The following GABRB3 variants were observed in gnomAD, a reference collection of about 807,000 sequenced individuals.
GABRB3 encodes gamma-aminobutyric acid receptor subunit beta-3.
GABRB3 carries 14 observed loss-of-function variants against 52.1 expected under a neutral mutation model. That is an observed-to-expected ratio of 0.27 (90% CI 0.18 to 0.42). GABRB3 has a LOEUF of 0.42. GABRB3 is among the 10% of genes least tolerant of loss of function. The pLI is 1.00. For synonymous variants in GABRB3, 260 were observed against 232.3 expected (o/e 1.12, Z -1.08); for missense variants, 307 against 609.1 (o/e 0.50, Z 5.22).
chr15:26,757,215 T>C (rs1052117304), intron 3 of GABRB3, among the ~76,000 whole-genome samples: 1 of 152,184 alleles, frequency 6.6e-6, no homozygotes, highest in Non-Finnish European at 1.5e-5. Context: ...GGTCTTTCCA[T>C]GCCTTCTAGT....
At chr15:26,682,139 C>T (rs1357280913) in intron 3 of GABRB3, among the ~76,000 whole-genome samples, 2 of 151,836 alleles carry the variant, frequency 1.3e-5, no homozygotes, top group Non-Finnish European at 1.5e-5. Flanking sequence ...AATGTCTGAC[C>T]GTCAGTTTCT....
chr15:26,679,395 G>C lies in GABRB3; in HGVS notation c.241-57861C>G, dbSNP rs1240192862. 1.3e-5 allele frequency among the ~76,000 whole-genome samples: 2 copies of C among 152,062 alleles called. 1 individual carries two copies. Among genetic ancestry groups the C allele is most frequent in the Non-Finnish European group, 2.9e-5 (2 of 68,028 alleles). On this transcript the variant is annotated intron_variant, in intron 3 of 8. Transcript: ENST00000311550. ...GTGAGAATCGCACTCACCTGCTCTT[G>C]AGAAGTCGCACATACGTACTAGCAT...
At chr15:26,705,169 T>G (rs1889059223) in intron 3 of GABRB3, among the ~76,000 whole-genome samples, 1 of 152,178 alleles carries the variant, frequency 6.6e-6, no homozygotes, top group Non-Finnish European at 1.5e-5. Flanking sequence ...AGCTGGAAAA[T>G]GCAAGATCAA....
chr15:26,773,600 G>C, upstream of GABRB3: 1 of 1,486,532 alleles, frequency 6.7e-7, no homozygotes, highest in South Asian at 1.2e-5. Context: ...GCGGGCCGCC[G>C]CCTCCCGACG....
chr15:26,563,536 G>C (rs1253355930), intron 7 of GABRB3, among the ~76,000 whole-genome samples: 2 of 152,226 alleles, frequency 1.3e-5, no homozygotes, highest in Admixed American at 6.5e-5. Context: ...CCAAAGCCCA[G>C]CTCTGCCTCT....
intron 3 of GABRB3, among the ~76,000 whole-genome samples, chr15:26,739,855 GA>G (rs750948783): frequency 6.6e-6 from 1 of 152,120 alleles, no homozygotes; most frequent in Non-Finnish European, 1.5e-5. Context: ...TTATAAAACA[GA>G]AAACAGGATA....
intron 5 of GABRB3, 185 bp from the exon 6 acceptor site, chr15:26,580,641 A>T (rs955244845): frequency 1.4e-5 from 11 of 783,438 alleles, no homozygotes; most frequent in Middle Eastern, 2.6e-4. Flanking sequence ...TACTGCTGCC[A>T]TTTTATTTGT....
At chr15:26,581,006 G>A (rs1303448393) in intron 5 of GABRB3, 1 of 264,312 alleles carries the variant, frequency 3.8e-6, no homozygotes, top group Non-Finnish European at 7.3e-6. Flanking sequence ...GCCAACCTTA[G>A]AAATGCCTGT....
intron 3 of GABRB3, among the ~76,000 whole-genome samples, chr15:26,691,453 C>T (rs2053394155): frequency 6.6e-6 from 1 of 152,172 alleles, no homozygotes; most frequent in African/African-American, 2.4e-5. Flanking sequence ...AGCATCCCTT[C>T]CATTCATTAC....
At chr15:26,719,705 G>A (rs1367119528) in intron 3 of GABRB3, among the ~76,000 whole-genome samples, 2 of 152,134 alleles carry the variant, frequency 1.3e-5, no homozygotes, top group African/African-American at 4.8e-5. Context: ...CATCAGTTTG[G>A]ACACAGCTAT....
chr15:26,688,015 C>T (rs1888461429), intron 3 of GABRB3, among the ~76,000 whole-genome samples: 1 of 152,182 alleles, frequency 6.6e-6, no homozygotes, highest in South Asian at 2.1e-4. Context: ...GACTTTATGA[C>T]ATATGACCTT....
At chr15:26,594,355 A>C (rs1314231291) in intron 4 of GABRB3, among the ~76,000 whole-genome samples, 2 of 151,792 alleles carry the variant, frequency 1.3e-5, no homozygotes, top group Non-Finnish European at 2.9e-5. Context: ...TTTGCCCAGG[A>C]TTTGCTGCTT....
intron 4 of GABRB3, chr15:26,614,677 T>C (rs1892192676): frequency 6.6e-6 from 1 of 152,186 alleles, no homozygotes; most frequent in South Asian, 2.1e-4. Context: ...AGGAGAAAAG[T>C]ATTTTAACAG....
chr15:26,600,222 T>C (rs1015470846), intron 4 of GABRB3, among the ~76,000 whole-genome samples: 1 of 151,868 alleles, frequency 6.6e-6, no homozygotes, highest in African/African-American at 2.4e-5. Context: ...TTAAAAAGAA[T>C]GAAGAAAGCT....
At chr15:26,687,418 G>A (rs1240635741) in intron 3 of GABRB3, among the ~76,000 whole-genome samples, 2 of 152,060 alleles carry the variant, frequency 1.3e-5, no homozygotes, top group African/African-American at 2.4e-5. Context: ...GACGCTAACA[G>A]GATACGTGTC....
chr15:26,717,878 G>C lies in GABRB3; in HGVS notation c.240+54524C>G, dbSNP rs149098403. Among the ~76,000 whole-genome samples, 148 of 152,320 alleles carry C rather than the reference G, an allele frequency of 9.7e-4. 1 individual carries two copies. The highest frequency in any genetic ancestry group is 3.3e-3 in the African/African-American group (139 of 41,570). ...AAAGCCATTTGCCTCTTAGGCCAAA[G>C]GTAGAGATCCCTTGATCCTTGTAAA... On this transcript the variant is annotated intron_variant, in intron 3 of 8. Transcript: ENST00000311550.
intron 3 of GABRB3, among the ~76,000 whole-genome samples, chr15:26,766,038 C>T (rs1890987346): frequency 6.6e-6 from 1 of 152,314 alleles, no homozygotes; most frequent in African/African-American, 2.4e-5. Flanking sequence ...CCTACCTCAC[C>T]AGCTGATGGG....
At chr15:26,641,774 C>G (rs139183409) in intron 3 of GABRB3, among the ~76,000 whole-genome samples, 2 of 152,168 alleles carry the variant, frequency 1.3e-5, no homozygotes, top group African/African-American at 4.8e-5. Context: ...ATGTCCTGCA[C>G]TAATGAAGTG....
chr15:26,600,911 T>A (rs1443852631), intron 4 of GABRB3, among the ~76,000 whole-genome samples: 1 of 152,182 alleles, frequency 6.6e-6, no homozygotes, highest in Non-Finnish European at 1.5e-5. Context: ...ACAACAACTA[T>A]AGCTACCATA....
Sources: gnomAD v4.1 joint callset for allele counts (sites outside exome capture counted in the v4.1 genomes callset) on GRCh38, gnomAD v4.1.1 for gene constraint, MANE v1.5 for transcripts, NCBI Gene and HGNC (gene_info 2026-07-23, HGNC 2026-07-21) for gene names.